PPFIBP1: variants seen among roughly 807,000 people sequenced by gnomAD.
PPFIBP1 encodes the protein liprin-beta-1.
PPFIBP1 carries 112 observed loss-of-function variants against 137.8 expected under a neutral mutation model. The observed-to-expected ratio is 0.81, with a 90% CI of 0.70 to 0.95. The LOEUF (loss-of-function observed/expected upper bound fraction) is 0.95, where lower values mean the gene tolerates loss of function less well. Among genes scored for constraint, PPFIBP1 ranks in the 40% least tolerant of loss-of-function variants. The pLI, the probability that PPFIBP1 is intolerant of heterozygous loss-of-function variation, is 0.00. For synonymous variants in PPFIBP1, 378 were observed against 417.3 expected, an observed-to-expected ratio of 0.91 and a Z score of 1.15; for missense variants, 1,083 against 1,196.6, an observed-to-expected ratio of 0.91 and a Z score of 1.40.
In PPFIBP1 at chr12:27,687,376, T is replaced by G; in HGVS notation, c.2248-9T>G. 1 of 1,612,912 alleles carries G rather than the reference T, an allele frequency of 6.2e-7. No homozygotes were observed. Among genetic ancestry groups the G allele is most frequent in the South Asian group, 1.1e-5 (1 of 90,974 alleles). ...CACAGTGAGCTCCTCCTTTTGTTCTTTTTTGCAGGATGACTTACTGTCTCT... is the reference window on the plus strand; with the variant it reads ...CACAGTGAGCTCCTCCTTTTGTTCTGTTTTGCAGGATGACTTACTGTCTCT... On this transcript the variant is annotated splice_polypyrimidine_tract_variant and intron_variant, in intron 24 of 29. Coordinates refer to ENST00000228425, the MANE Select transcript of PPFIBP1 (RefSeq NM_003622.4).
intron 1 of PPFIBP1, among the ~76,000 whole-genome samples, chr12:27,544,724 TTAAA>T (rs1172757431): frequency 2.0e-5 from 3 of 152,308 alleles, no homozygotes; most frequent in African/African-American, 7.2e-5. Context: ...ATGGCAATCA[TTAAA>T]TAGTCTGGAA....
At chr12:27,649,474 A>G (rs1041911904) in intron 6 of PPFIBP1, among the ~76,000 whole-genome samples, 10 of 152,236 alleles carry the variant, frequency 6.6e-5, no homozygotes, top group African/African-American at 2.2e-4. Context: ...TACACAACAT[A>G]TGTCTCCCTC....
chr12:27,616,999 A>G (rs2055833807), intron 2 of PPFIBP1, among the ~76,000 whole-genome samples: 1 of 152,192 alleles, frequency 6.6e-6, no homozygotes, highest in Admixed American at 6.5e-5. Flanking sequence ...TTTGAAGTGG[A>G]GCCAACTCAA....
chr12:27,620,445 G>A (rs907984646), intron 2 of PPFIBP1, among the ~76,000 whole-genome samples: 1 of 152,186 alleles, frequency 6.6e-6, no homozygotes, highest in Admixed American at 6.5e-5. Flanking sequence ...CTCCCTGGAA[G>A]CTCTTCTCAG....
In PPFIBP1 at chr12:27,676,933, T is replaced by C. The variant is rs182293353; in HGVS notation, c.1583-131T>C. 29 of 1,144,070 alleles carry C rather than the reference T, an allele frequency of 2.5e-5. No individual in the cohort carries two copies. The Admixed American group carries it at 3.9e-4, about 15-fold the overall frequency. 70.9% of individuals were successfully genotyped at this position (1,144,070 alleles called of 1,614,324 possible). ...AGCCTGTGTGTAACATCAGAAGCAC[T>C]GTGTGCCGCATGCCTCTCCTCCACG... On this transcript the variant is annotated intron_variant, in intron 18 of 29. Transcript: ENST00000228425.
At chr12:27,649,950 A>C in intron 6 of PPFIBP1, 60 bp from the exon 7 acceptor site, 2 of 1,491,886 alleles carry the variant, frequency 1.3e-6, no homozygotes, top group Non-Finnish European at 1.8e-6. Context: ...TAAATGAGGT[A>C]AATTCACGTG....
At position 27,647,812 on chromosome 12, in the gene PPFIBP1, G is replaced by A; in HGVS notation, c.441G>A (p.Lys147=). Residue 147 remains lysine (K), a synonymous_variant, in exon 6 of 30, where the codon AAG becomes AAA. Coordinates refer to ENST00000228425, the MANE Select transcript of PPFIBP1 (RefSeq NM_003622.4). ...LEFCLEEHRE[K]VNATEEMLQQ... is the part of the protein sequence containing the mutation. ...TTTGTCTTGAAGAGCACAGAGAGAA[G>A]GTGAATGCCACAGAAGAAATGCTGC... 1 of 1,612,706 alleles carries A rather than the reference G, an allele frequency of 6.2e-7. No individual in the cohort carries two copies. Among genetic ancestry groups the A allele is most frequent in the Non-Finnish European group, 8.5e-7 (1 of 1,179,462 alleles).
chr12:27,615,898 C>T (rs558796498), intron 2 of PPFIBP1, among the ~76,000 whole-genome samples: 8 of 152,180 alleles, frequency 5.3e-5, no homozygotes, highest in Admixed American at 4.6e-4. Flanking sequence ...CAGGATAACT[C>T]AGATATCACT....
At chr12:27,573,369 C>T (rs1184968205) in intron 1 of PPFIBP1, among the ~76,000 whole-genome samples, 1 of 152,070 alleles carries the variant, frequency 6.6e-6, no homozygotes, top group African/African-American at 2.4e-5. Flanking sequence ...TGGGCAAGAT[C>T]TAAGAAGCCA....
chr12:27,536,245 G>A (rs950603572), intron 1 of PPFIBP1, among the ~76,000 whole-genome samples: 11 of 152,212 alleles, frequency 7.2e-5, no homozygotes, highest in African/African-American at 2.7e-4. Context: ...GAATAGAGAG[G>A]CCAGGAATGG....
chr12:27,593,341 A>G (rs935672079), intron 2 of PPFIBP1: 3 of 409,506 alleles, frequency 7.3e-6, no homozygotes, highest in Admixed American at 5.8e-5. Context: ...TGGTCGTAAG[A>G]TTCTGTGGTT....
At chr12:27,660,120 G>A (rs946775149) in intron 10 of PPFIBP1, among the ~76,000 whole-genome samples, 4 of 151,958 alleles carry the variant, frequency 2.6e-5, no homozygotes, top group Non-Finnish European at 5.9e-5. Flanking sequence ...TCAAACTCCT[G>A]AGCTCAAGCA....
At chr12:27,607,363 A>G (rs7953347) in intron 2 of PPFIBP1, among the ~76,000 whole-genome samples, 22,356 of 152,170 alleles carry the variant, frequency 0.15, 2,157 homozygotes, top group African/African-American at 0.26. Flanking sequence ...TTACTAGGGG[A>G]AGCAGCTGCA....
In PPFIBP1 at chr12:27,680,002, G is replaced by C. The variant is rs1228771666; in HGVS notation, c.1836G>C (p.Gly612=). ...CTGAGCCTGAATTCAAAAGAGGAGG[G>C]ACAAGGGCAACCGCGGGGCCCCGAT... ...DMSEPEFKRG[G]TRATAGPRLG... Residue 612 remains glycine, a synonymous_variant, in exon 21 of 30, where the codon GGG becomes GGC. Coordinates refer to ENST00000228425, the MANE Select transcript of PPFIBP1 (RefSeq NM_003622.4). The C allele has an allele frequency of 6.2e-7, 1 of 1,614,112 alleles. No individual in the cohort carries two copies. Among genetic ancestry groups the C allele is most frequent in the African/African-American group, 1.3e-5 (1 of 75,036 alleles).
At chr12:27,649,135 G>T (rs2058722044) in intron 6 of PPFIBP1, among the ~76,000 whole-genome samples, 1 of 152,132 alleles carries the variant, frequency 6.6e-6, no homozygotes, top group Admixed American at 6.5e-5. Flanking sequence ...AGCCACACAA[G>T]TAGAAAAGAA....
intron 2 of PPFIBP1, among the ~76,000 whole-genome samples, chr12:27,606,954 T>G (rs2054587013): frequency 6.6e-6 from 1 of 152,202 alleles, no homozygotes; most frequent in African/African-American, 2.4e-5. Context: ...CAGATTTCAA[T>G]GTGCATTGAA....
At chr12:27,674,784 A>G (rs1166185037) in intron 17 of PPFIBP1, among the ~76,000 whole-genome samples, 1 of 150,256 alleles carries the variant, frequency 6.7e-6, no homozygotes, top group African/African-American at 2.4e-5. Flanking sequence ...GATGTCGTCA[A>G]CATGTGCTCA....
At chr12:27,571,273 G>A (rs1484402279) in intron 1 of PPFIBP1, among the ~76,000 whole-genome samples, 2 of 152,132 alleles carry the variant, frequency 1.3e-5, no homozygotes, top group Non-Finnish European at 2.9e-5. Context: ...TGTGAAAGGA[G>A]TATATATTCA....
chr12:27,666,893 T>C (rs2059891176), intron 12 of PPFIBP1, among the ~76,000 whole-genome samples: 2 of 152,228 alleles, frequency 1.3e-5, no homozygotes. Context: ...ACTTTTAATT[T>C]TCTTTCAATC....
Sources: gnomAD v4.1 joint callset for allele counts (sites outside exome capture counted in the v4.1 genomes callset) on GRCh38, gnomAD v4.1.1 for gene constraint, MANE v1.5 for transcripts, NCBI Gene and HGNC (gene_info 2026-07-23, HGNC 2026-07-21) for gene names.